Variants in SLC15A5 observed in about 807,000 individuals in gnomAD.
SLC15A5 encodes solute carrier family 15 member 5, also known as Peptide/histidine transporter ENSP00000340402.
SLC15A5 carries 58 observed loss-of-function variants against 56.1 expected under a neutral mutation model. The observed-to-expected ratio is 1.03, with a 90% CI of 0.84 to 1.29. The LOEUF is 1.29. Ranked by LOEUF, SLC15A5 falls within the 50% of genes most tolerant of loss-of-function variation. SLC15A5 has a pLI of 0.00. For missense variants in SLC15A5, 681 were observed against 672.1 expected (o/e 1.01, Z -0.15); for synonymous variants, 264 against 250.5 (o/e 1.05, Z -0.51).
intron 7 of SLC15A5, among the ~76,000 whole-genome samples, chr12:16,208,489 A>G (rs573803961): frequency 6.6e-6 from 1 of 152,252 alleles, no homozygotes; most frequent in South Asian, 2.1e-4. Context: ...TGGGCAATAT[A>G]GTGAGACCCA....
At chr12:16,265,115 G>A (rs966921189) in intron 2 of SLC15A5, among the ~76,000 whole-genome samples, 1 of 152,170 alleles carries the variant, frequency 6.6e-6, no homozygotes, top group African/African-American at 2.4e-5. Flanking sequence ...CTTGTTTTCA[G>A]TGGAAAGATT....
intron 5 of SLC15A5, among the ~76,000 whole-genome samples, chr12:16,231,216 A>G (rs1591649602): frequency 6.6e-6 from 1 of 152,358 alleles, no homozygotes; most frequent in African/African-American, 2.4e-5. Context: ...GAAGATTTTT[A>G]TCTACATTCC....
chr12:16,191,123 AT>A (rs1863834808), intron 8 of SLC15A5, among the ~76,000 whole-genome samples: 1 of 152,092 alleles, frequency 6.6e-6, no homozygotes, highest in African/African-American at 2.4e-5. Flanking sequence ...AGTATTTCAA[AT>A]TTGATTGTGG....
chr12:16,247,590 G>A (rs1042229288), intron 3 of SLC15A5, among the ~76,000 whole-genome samples: 12 of 152,196 alleles, frequency 7.9e-5, no homozygotes, highest in East Asian at 7.7e-4. Flanking sequence ...GAGAGTTGAC[G>A]TATGAACTGA....
intron 7 of SLC15A5, among the ~76,000 whole-genome samples, chr12:16,210,740 C>A (rs991696707): frequency 1.3e-5 from 2 of 152,160 alleles, no homozygotes; most frequent in East Asian, 3.9e-4. Context: ...GTTCATCTGA[C>A]TCAAATGTCT....
At chr12:16,259,513 T>C (rs1864617989) in intron 2 of SLC15A5, among the ~76,000 whole-genome samples, 1 of 152,044 alleles carries the variant, frequency 6.6e-6, no homozygotes, top group Admixed American at 6.5e-5. Context: ...AAAGGGAATA[T>C]TGAAGGTTTG....
intron 2 of SLC15A5, among the ~76,000 whole-genome samples, chr12:16,267,919 T>G (rs556132773): frequency 9.8e-6 from 1 of 102,526 alleles, no homozygotes; most frequent in Non-Finnish European, 2.0e-5. Context: ...AAAAAAAATG[T>G]TTTTTTGGTA....
chr12:16,195,576 C>G (rs1426617521), intron 7 of SLC15A5, among the ~76,000 whole-genome samples: 1 of 151,972 alleles, frequency 6.6e-6, no homozygotes, highest in Non-Finnish European at 1.5e-5. Context: ...TTCATCATTT[C>G]CTTGCCTTTT....
chr12:16,221,985 A>G (rs1189345989), intron 6 of SLC15A5, among the ~76,000 whole-genome samples: 2 of 152,176 alleles, frequency 1.3e-5, no homozygotes, highest in Non-Finnish European at 2.9e-5. Context: ...AGAGCTGGGA[A>G]CAGGACACCT....
chr12:16,241,370 G>T (rs973928079), intron 4 of SLC15A5, among the ~76,000 whole-genome samples: 5 of 152,154 alleles, frequency 3.3e-5, no homozygotes, highest in Non-Finnish European at 1.5e-5. Flanking sequence ...ATTCAAGAGG[G>T]TATATATGGA....
At chr12:16,256,939 T>TAGATAGATAGAC (rs1279741144) in intron 3 of SLC15A5, among the ~76,000 whole-genome samples, 1 of 151,686 alleles carries the variant, frequency 6.6e-6, no homozygotes, top group African/African-American at 2.4e-5. Context: ...GATAGATAGA[T>TAGATAGATAGAC]AGATAGATAG....
intron 1 of SLC15A5, among the ~76,000 whole-genome samples, chr12:16,273,256 A>G (rs1198241401): frequency 6.6e-6 from 1 of 152,050 alleles, no homozygotes; most frequent in African/African-American, 2.4e-5. Context: ...TATCAGAGTT[A>G]GAGGAGAACA....
chr12:16,247,824 A>G (rs1325436280), intron 3 of SLC15A5, among the ~76,000 whole-genome samples: 1 of 152,010 alleles, frequency 6.6e-6, no homozygotes, highest in African/African-American at 2.4e-5. Context: ...ATTATAGAAA[A>G]CCATTAAGAA....
chr12:16,247,522 T>C (rs974567376), intron 3 of SLC15A5, among the ~76,000 whole-genome samples: 2 of 152,100 alleles, frequency 1.3e-5, no homozygotes, highest in African/African-American at 2.4e-5. Flanking sequence ...AGTTCTATGA[T>C]GAAAACACAG....
chr12:16,221,481 A>G (rs1002295906), intron 6 of SLC15A5, among the ~76,000 whole-genome samples: 1 of 152,242 alleles, frequency 6.6e-6, no homozygotes, highest in Non-Finnish European at 1.5e-5. Flanking sequence ...GACTTGGGGT[A>G]GACAGAAATC....
At chr12:16,267,757 G>C (rs1864711353) in intron 2 of SLC15A5, among the ~76,000 whole-genome samples, 1 of 22,736 alleles carries the variant, frequency 4.4e-5, no homozygotes, top group Non-Finnish European at 7.2e-5. Flanking sequence ...TTTTTTTTTT[G>C]AGATAGGGTC....
chr12:16,216,791 A>T lies in SLC15A5; in HGVS notation c.1483+102T>A, dbSNP rs185307558. 1,297 of 990,114 alleles carry T rather than the reference A, an allele frequency of 1.3e-3. 1 individual carries two copies. Among genetic ancestry groups the T allele is most frequent in the Non-Finnish European group, 1.6e-3 (1,152 of 710,838 alleles). 61.3% of individuals were successfully genotyped at this position (990,114 alleles called of 1,614,324 possible). A position where few individuals can be genotyped will look rare whatever the true frequency, so the allele number is the denominator to read the frequency against. ...TCTTAATTGCAAAAGTGGATCAATT[A>T]AAAAAAGACTGCACTGACAAAGCCC... On this transcript the variant is annotated intron_variant, in intron 7 of 8. Coordinates refer to ENST00000344941, the MANE Select transcript of SLC15A5 (RefSeq NM_001170798.1).
rs550730965 is a variant in SLC15A5 at position 16,243,743 on chromosome 12, C to T, written c.975+837G>A. On this transcript the variant is annotated intron_variant, in intron 4 of 8. Transcript: ENST00000344941. This position sits in a 1 kb window ranked among gnomAD's most constrained non-coding sequence, Gnocchi z 4.4. ...TACTATTAACTGTGACCTACGGTGC[C>T]TCACCTCTACCAAAAGAAAGTCACT... Among the ~76,000 whole-genome samples the T allele has an allele frequency of 6.6e-6, 1 of 152,216 alleles. No homozygotes were observed. The highest frequency in any genetic ancestry group is 2.4e-5 in the African/African-American group (1 of 41,550).
intron 7 of SLC15A5, among the ~76,000 whole-genome samples, chr12:16,194,985 C>T (rs1179262677): frequency 2.0e-5 from 3 of 151,922 alleles, no homozygotes; most frequent in African/African-American, 7.3e-5. Flanking sequence ...TATCACAGAC[C>T]TCATTGGTCA....
Sources: allele counts gnomAD v4.1 joint callset (sites outside exome capture counted in the v4.1 genomes callset), GRCh38; gene constraint gnomAD v4.1.1; non-coding constraint Gnocchi (gnomAD v3.1); transcripts MANE v1.5; gene names NCBI Gene and HGNC (gene_info 2026-07-23, HGNC 2026-07-21).